The following NUFIP1 variants were observed in gnomAD, a reference collection of about 807,000 sequenced individuals.
NUFIP1 encodes the protein nuclear FMR1 interacting protein 1.
NUFIP1 carries 38 observed loss-of-function variants against 56.2 expected under a neutral mutation model. The observed-to-expected ratio is 0.68, with a 90% CI of 0.52 to 0.89. NUFIP1 has a LOEUF of 0.89. Ranked by LOEUF, NUFIP1 falls within the 40% of genes least tolerant of loss-of-function variation. The probability of loss-of-function intolerance (pLI) is 0.00; values close to 1 mark genes in which losing one functional copy is unlikely to be tolerated. For missense variants in NUFIP1, 567 were observed against 605.8 expected, an observed-to-expected ratio of 0.94 and a Z score of 0.67; for synonymous variants, 215 against 212.4, an observed-to-expected ratio of 1.01 and a Z score of -0.10.
At chr13:44,977,352 A>G (rs755697373) in intron 5 of NUFIP1, among the ~76,000 whole-genome samples, 2 of 152,186 alleles carry the variant, frequency 1.3e-5, no homozygotes, top group Non-Finnish European at 2.9e-5. Context: ...AGTGTGTTTC[A>G]GGGACTGGCA....
At chr13:44,947,428 G>A (rs1870937922) in intron 8 of NUFIP1, among the ~76,000 whole-genome samples, 1 of 151,724 alleles carries the variant, frequency 6.6e-6, no homozygotes, top group South Asian at 2.1e-4. Context: ...TAGTAGAGAT[G>A]GGGTTTCATC....
intron 5 of NUFIP1, among the ~76,000 whole-genome samples, chr13:44,972,331 AC>A (rs1871832183): frequency 1.3e-5 from 2 of 152,264 alleles, no homozygotes. Flanking sequence ...GCAATAAAAA[AC>A]AAACAACTGC....
At chr13:44,987,762 G>A (rs186109329) in intron 1 of NUFIP1, among the ~76,000 whole-genome samples, 78 of 152,136 alleles carry the variant, frequency 5.1e-4, no homozygotes, top group Middle Eastern at 3.4e-3. Context: ...CTTCCTAACC[G>A]GTTTCCCTTT....
At chr13:44,973,675 A>G (rs1044804306) in intron 5 of NUFIP1, among the ~76,000 whole-genome samples, 1 of 152,232 alleles carries the variant, frequency 6.6e-6, no homozygotes, top group African/African-American at 2.4e-5. Flanking sequence ...TGTGCTAAAG[A>G]GGCAGAAAGG....
intron 7 of NUFIP1, among the ~76,000 whole-genome samples, chr13:44,953,907 C>T (rs975641602): frequency 2.0e-5 from 3 of 152,094 alleles, no homozygotes; most frequent in Non-Finnish European, 4.4e-5. Context: ...TTTTCTTCTC[C>T]ACTCAGTTAA....
At chr13:44,980,357 G>A (rs1872144139) in intron 3 of NUFIP1, among the ~76,000 whole-genome samples, 1 of 152,196 alleles carries the variant, frequency 6.6e-6, no homozygotes, top group Non-Finnish European at 1.5e-5. Flanking sequence ...GCCTTTGAGG[G>A]TGATAGGCAC....
intron 5 of NUFIP1, among the ~76,000 whole-genome samples, chr13:44,967,502 T>C (rs970084988): frequency 1.3e-5 from 2 of 151,744 alleles, no homozygotes; most frequent in African/African-American, 4.8e-5. Flanking sequence ...AGAAAGACTC[T>C]GTCTCACAGA....
chr13:44,974,675 C>A (rs1343557057), intron 5 of NUFIP1, among the ~76,000 whole-genome samples: 1 of 152,198 alleles, frequency 6.6e-6, no homozygotes, highest in Non-Finnish European at 1.5e-5. Flanking sequence ...CCTCGGTCTC[C>A]TGAGAGGCTT....
chr13:44,972,210 G>A (rs1214297199), intron 5 of NUFIP1, among the ~76,000 whole-genome samples: 2 of 152,014 alleles, frequency 1.3e-5, no homozygotes, highest in African/African-American at 2.4e-5. Context: ...AAACCTATAC[G>A]TGAATGTTTA....
chr13:44,964,935 T>G (rs1368895947), intron 6 of NUFIP1, among the ~76,000 whole-genome samples: 2 of 152,252 alleles, frequency 1.3e-5, no homozygotes, highest in Admixed American at 6.5e-5. Context: ...AAACCGTTTC[T>G]AAGTAACTCA....
At chr13:44,949,647 T>C (rs1013465643) in intron 8 of NUFIP1, 75 bp downstream of exon 8, 3 of 814,414 alleles carry the variant, frequency 3.7e-6, no homozygotes, top group African/African-American at 3.5e-5. Flanking sequence ...ATCCTGGATG[T>C]TATTAATGCG....
chr13:44,964,407 A>G lies in NUFIP1; in HGVS notation c.827+1437T>C, dbSNP rs554527627. Among the ~76,000 whole-genome samples, 8 of 152,334 alleles carry G rather than the reference A, an allele frequency of 5.3e-5. No individual in the cohort carries two copies. In the South Asian group the frequency reaches 1.7e-3, roughly 32 times the overall value. The stretch of plus-strand genomic sequence containing the variant: ...TCTCTATGACACAGGGCATGAAGCA[A>G]CAAGAGAAGTGAGCCCTGAAAGACA... On this transcript the variant is annotated intron_variant, in intron 6 of 9. Transcript: ENST00000379161.
At chr13:44,980,905 C>T (rs772972159) in intron 2 of NUFIP1, 85 bp from the exon 3 acceptor site, 19 of 791,970 alleles carry the variant, frequency 2.4e-5, no homozygotes, top group Admixed American at 1.1e-4. Context: ...TCTAGTAATA[C>T]ACACTTTGAT....
At chr13:44,964,548 C>A (rs1435412612) in intron 6 of NUFIP1, among the ~76,000 whole-genome samples, 5 of 152,138 alleles carry the variant, frequency 3.3e-5, no homozygotes, top group East Asian at 1.9e-4. Flanking sequence ...AATTGAGGAA[C>A]TGGAGTTGAG....
intron 1 of NUFIP1, among the ~76,000 whole-genome samples, chr13:44,984,793 T>C (rs1593372069): frequency 6.6e-6 from 1 of 152,284 alleles, no homozygotes; most frequent in Middle Eastern, 3.4e-3. Flanking sequence ...TGTGCCATAC[T>C]GGTGTGCTGC....
At chr13:44,981,871 A>G (rs1872201769) in intron 2 of NUFIP1, among the ~76,000 whole-genome samples, 1 of 151,906 alleles carries the variant, frequency 6.6e-6, no homozygotes, top group South Asian at 2.1e-4. Context: ...ACCACAGAAA[A>G]GAAACAAAAA....
At position 44,989,458 on chromosome 13, in the gene NUFIP1, T is replaced by C. The variant is rs562874100; in HGVS notation, c.-22A>G. 8 of 1,610,426 alleles carry C rather than the reference T, an allele frequency of 5.0e-6. No individual in the cohort carries two copies. Among genetic ancestry groups the C allele is most frequent in the East Asian group, 2.2e-5 (1 of 44,820 alleles). ...CCATACCACTGGCGGGTCCGGAGTC[T>C]AGCACGCGACTGTGGAGCAAGCATT... On this transcript the variant is annotated 5_prime_UTR_variant, in exon 1 of 10. Transcript: ENST00000379161.
At chr13:44,952,346 A>G (rs1488251074) in intron 7 of NUFIP1, among the ~76,000 whole-genome samples, 1 of 152,136 alleles carries the variant, frequency 6.6e-6, no homozygotes, top group Non-Finnish European at 1.5e-5. Flanking sequence ...GCTGGTCTCG[A>G]ACTCCTTACC....
chr13:44,962,698 T>G (rs2137906854), intron 6 of NUFIP1, among the ~76,000 whole-genome samples: 1 of 152,316 alleles, frequency 6.6e-6, no homozygotes, highest in African/African-American at 2.4e-5. Flanking sequence ...GCCTTCACAT[T>G]CACTCACCAC....
Sources: allele counts gnomAD v4.1 joint callset (sites outside exome capture counted in the v4.1 genomes callset), GRCh38; gene constraint gnomAD v4.1.1; transcripts MANE v1.5; gene names NCBI Gene and HGNC (gene_info 2026-07-23, HGNC 2026-07-21).